The following CENPE variants were observed in gnomAD, a reference collection of about 807,000 sequenced individuals.
CENPE encodes centromere protein E, also known as centromere-associated protein E.
CENPE carries 145 observed loss-of-function variants against 336.1 expected under a neutral mutation model. The observed-to-expected ratio is 0.43, with a 90% CI of 0.38 to 0.50. The LOEUF (loss-of-function observed/expected upper bound fraction) is 0.50, where lower values mean the gene tolerates loss of function less well. Ranked by LOEUF, CENPE falls within the 20% of genes least tolerant of loss-of-function variation. The pLI is 0.00. For synonymous variants in CENPE, 1,013 were observed against 984.8 expected, an observed-to-expected ratio of 1.03 and a Z score of -0.54; for missense variants, 2,719 against 3,023.3, an observed-to-expected ratio of 0.90 and a Z score of 2.36.
In CENPE at chr4:103,108,858, TA is replaced by T; in HGVS notation, c.7955del (p.Leu2652TyrfsTer15). ...SCFFDSRSKS[L>X]PSPHPVRYFD... ...AATAGCGAACTGGATGAGGTGATGGTAAAGACTTTGATCGGCTATCAAAAAA... is the reference window on the plus strand; with the variant it reads ...AATAGCGAACTGGATGAGGTGATGGTAAGACTTTGATCGGCTATCAAAAAA... On this transcript the variant is annotated frameshift_variant, in exon 48 of 49. Coordinates refer to ENST00000265148, the MANE Select transcript of CENPE (RefSeq NM_001813.3). LOFTEE classifies it high-confidence loss of function. The T allele has an allele frequency of 6.2e-7, 1 of 1,613,912 alleles. No homozygotes were observed. The highest frequency in any genetic ancestry group is 1.1e-5 in the South Asian group (1 of 91,076).
At chr4:103,186,929 G>A (rs560964313) in intron 8 of CENPE, among the ~76,000 whole-genome samples, 92 of 152,262 alleles carry the variant, frequency 6.0e-4, no homozygotes, top group African/African-American at 2.0e-3. Context: ...AATGTGCTCA[G>A]TGTGTTCAAA....
chr4:103,139,666 T>C, intron 38 of CENPE, 123 bp downstream of exon 38: 1 of 833,694 alleles, frequency 1.2e-6, no homozygotes, highest in Non-Finnish European at 1.7e-6. Context: ...AGAGTAACCA[T>C]TTCCCACTGT....
At chr4:103,137,275 A>G (rs1752150160) in intron 39 of CENPE, among the ~76,000 whole-genome samples, 2 of 152,168 alleles carry the variant, frequency 1.3e-5, no homozygotes, top group Admixed American at 6.5e-5. Flanking sequence ...CCTGGCATAC[A>G]GTAGACATGC....
intron 38 of CENPE, 105 bp downstream of exon 38, chr4:103,139,684 T>C (rs982583795): frequency 3.2e-5 from 35 of 1,100,386 alleles, no homozygotes; most frequent in Non-Finnish European, 4.3e-5. Flanking sequence ...TGTCCTTTAC[T>C]GTTCATAGGA....
chr4:103,163,246 C>T lies in CENPE; in HGVS notation c.1733G>A (p.Ser578Asn). The change falls in exon 18 of 49, where the codon AGT becomes AAT. Residue 578 changes from serine (S) to asparagine (N), a missense_variant. Ser to Asn is a conservative substitution (Grantham distance 46, BLOSUM62 1). This residue lies in a region of CENPE where 2,437 missense variants were observed against 2,513.3 expected (regional missense o/e 0.97). Transcript: ENST00000265148. ...VYNQDLENEL[S>N]SKVELLREKE... is the part of the protein sequence containing the mutation. ...TTCTCTAAGCAGCTCTACTTTTGAACTGAGTTCATTCTAAAAGAATCAAAG... is the reference window on the plus strand; with the variant it reads ...TTCTCTAAGCAGCTCTACTTTTGAATTGAGTTCATTCTAAAAGAATCAAAG... 6.2e-7 allele frequency: 1 copy of T among 1,608,256 alleles called. No individual in the cohort carries two copies. The highest frequency in any genetic ancestry group is 8.5e-7 in the Non-Finnish European group (1 of 1,176,724).
intron 47 of CENPE, among the ~76,000 whole-genome samples, chr4:103,110,426 G>C (rs1202451071): frequency 6.6e-6 from 1 of 152,120 alleles, no homozygotes; most frequent in Non-Finnish European, 1.5e-5. Context: ...TTGGGGAAAA[G>C]ATTCTACTCT....
chr4:103,127,126 C>T (rs1032380842), intron 42 of CENPE, among the ~76,000 whole-genome samples: 6 of 146,274 alleles, frequency 4.1e-5, no homozygotes, highest in Non-Finnish European at 6.0e-5. Context: ...AAAAAACCCC[C>T]GAAAAAAAAC....
chr4:103,136,166 A>T lies in CENPE; in HGVS notation c.6497T>A (p.Phe2166Tyr). The change falls in exon 40 of 49, where the codon TTC (phenylalanine) becomes TAC (tyrosine). Residue 2166 changes from phenylalanine to tyrosine, a missense_variant. Physicochemically the swap from Phe to Tyr is conservative, Grantham distance 22. This residue lies in a region of CENPE where 2,437 missense variants were observed against 2,513.3 expected (regional missense o/e 0.97). Coordinates refer to ENST00000265148, the MANE Select transcript of CENPE (RefSeq NM_001813.3). ...CTTCAGTTTCTTCATGATTCTGTGG[A>T]ATTCCATGGAGCATCTCTGGTTTGC... ...FTANQRCSME[F>Y]HRIMKKLKYV... 1 of 1,613,538 alleles carries T rather than the reference A, an allele frequency of 6.2e-7. No homozygotes were observed. Among genetic ancestry groups the T allele is most frequent in the Non-Finnish European group, 8.5e-7 (1 of 1,179,728 alleles).
At position 103,183,248 on chromosome 4, in the gene CENPE, T is replaced by C. The variant is rs1756475808; in HGVS notation, c.786A>G (p.Leu262=). ...TCTTGATCACTTGTCCCAAAATAAA[T>C]AAGCTTCGATTTATATTACAGCCTT... ...LKEGCNINRS[L]FILGQVIKKL... Residue 262 remains leucine, a synonymous_variant, in exon 10 of 49, where the codon TTA becomes TTG. Transcript: ENST00000265148. 2 of 1,613,040 alleles carry C rather than the reference T, an allele frequency of 1.2e-6. No individual in the cohort carries two copies. The highest frequency in any genetic ancestry group is 1.3e-5 in the African/African-American group (1 of 74,868).
At chr4:103,191,451 T>A (rs1237522014) in intron 8 of CENPE, among the ~76,000 whole-genome samples, 1 of 152,246 alleles carries the variant, frequency 6.6e-6, no homozygotes, top group African/African-American at 2.4e-5. Flanking sequence ...ATATACACCA[T>A]GAAATTCTAT....
At position 103,145,729 on chromosome 4, in the gene CENPE, T is replaced by C. The variant is rs374647592; in HGVS notation, c.4414-48A>G. 8 of 1,508,774 alleles carry C rather than the reference T, an allele frequency of 5.3e-6. No individual in the cohort carries two copies. In the African/African-American group the frequency reaches 1.1e-4, roughly 21 times the overall value. 93.5% of individuals were successfully genotyped at this position (1,508,774 alleles called of 1,614,324 possible). A position where few individuals can be genotyped will look rare whatever the true frequency, so the allele number is the denominator to read the frequency against. ...AATAAATTTATAGAAACATTATAAC[T>C]ATTTTGTTGTAATTAACTCCCCTTT... On this transcript the variant is annotated intron_variant, in intron 30 of 48. Coordinates refer to ENST00000265148, the MANE Select transcript of CENPE (RefSeq NM_001813.3).
chr4:103,155,446 G>C (rs748404368), intron 24 of CENPE, among the ~76,000 whole-genome samples: 24 of 152,044 alleles, frequency 1.6e-4, no homozygotes, highest in African/African-American at 5.8e-4. Flanking sequence ...GAGTGGCTGA[G>C]ACTACAGGTG....
At chr4:103,176,663 G>A (rs1213818465) in intron 14 of CENPE, among the ~76,000 whole-genome samples, 2 of 152,036 alleles carry the variant, frequency 1.3e-5, no homozygotes, top group South Asian at 2.1e-4. Flanking sequence ...AGGTTCAAGC[G>A]ATTCTCCTGC....
chr4:103,132,833 G>A lies in CENPE; in HGVS notation c.6784C>T (p.Leu2262=), dbSNP rs930414471. The A allele has an allele frequency of 1.1e-5, 17 of 1,568,914 alleles. No homozygotes were observed. The highest frequency in any genetic ancestry group is 1.5e-5 in the Non-Finnish European group (17 of 1,155,070). The part of the protein sequence containing the change: ...PSIKTEFQQV[L]SNRKEMTQFL... ...TGTGTCATTTCTTTCCTATTACTTA[G>A]TACTTGTTGAAATTCAGTCTTTATG... is the stretch of plus-strand genomic sequence containing the variant. The change falls in exon 42 of 49, where the codon CTA becomes TTA. Residue 2262 remains leucine (L), a synonymous_variant. Coordinates refer to ENST00000265148, the MANE Select transcript of CENPE (RefSeq NM_001813.3).
intron 8 of CENPE, among the ~76,000 whole-genome samples, chr4:103,186,285 C>G (rs917854202): frequency 1.3e-5 from 2 of 152,176 alleles, no homozygotes; most frequent in Non-Finnish European, 2.9e-5. Flanking sequence ...TTCTAATGTT[C>G]TATTCTGTCC....
chr4:103,173,632 C>CAAT (rs1755611740), intron 16 of CENPE, among the ~76,000 whole-genome samples: 1 of 112,514 alleles, frequency 8.9e-6, no homozygotes. Flanking sequence ...GCAAAATATA[C>CAAT]ATCTGACACA....
intron 9 of CENPE, 33 bp from the exon 10 acceptor site, chr4:103,183,321 T>C (rs1756479900): frequency 2.0e-6 from 3 of 1,527,646 alleles, no homozygotes; most frequent in East Asian, 4.5e-5. Context: ...AAAACTAAAC[T>C]TGACTCCTTT....
Position 103,161,216 on chromosome 4 carries a change from A to G in CENPE, c.2001T>C (p.Asn667=). Residue 667 remains asparagine, a synonymous_variant, in exon 20 of 49, where the codon AAT becomes AAC. Transcript: ENST00000265148. ...ACTGGCTTTGATATAACTGAATATCATTTTCCATTTGCTTGTATGTAGTTG... is the reference window on the plus strand; with the variant it reads ...ACTGGCTTTGATATAACTGAATATCGTTTTCCATTTGCTTGTATGTAGTTG... The part of the protein sequence containing the change: ...ELATTYKQME[N]DIQLYQSQLE... 6.2e-7 allele frequency: 1 copy of G among 1,610,010 alleles called. No homozygotes were observed. The highest frequency in any genetic ancestry group is 1.1e-5 in the South Asian group (1 of 90,032).
chr4:103,138,522 T>C (rs528785070), intron 38 of CENPE, 73 bp from the exon 39 acceptor site: 2 of 915,446 alleles, frequency 2.2e-6, no homozygotes, highest in East Asian at 2.4e-5. Flanking sequence ...AATCGCACAC[T>C]TCTAAATTAC....
Sources: allele counts gnomAD v4.1 joint callset (sites outside exome capture counted in the v4.1 genomes callset), GRCh38; gene constraint gnomAD v4.1.1; regional missense constraint gnomAD v4.1.1; transcripts MANE v1.5; gene names NCBI Gene and HGNC (gene_info 2026-07-23, HGNC 2026-07-21).